Variants in MAP2K3 observed in about 807,000 individuals in gnomAD.
The protein encoded by MAP2K3 is mitogen-activated protein kinase kinase 3, also known as dual specificity mitogen-activated protein kinase kinase 3.
A neutral mutation model predicts 46.4 loss-of-function variants in MAP2K3; 30 were observed. That is an observed-to-expected ratio of 0.65 (90% CI 0.48 to 0.88). The LOEUF (loss-of-function observed/expected upper bound fraction) is 0.88. MAP2K3 is among the 40% of genes least tolerant of loss of function. The probability of loss-of-function intolerance (pLI) is 0.00; values close to 1 mark genes in which losing one functional copy is unlikely to be tolerated. For synonymous variants in MAP2K3, 189 were observed against 176.3 expected, an observed-to-expected ratio of 1.07 and a Z score of -0.57; for missense variants, 380 against 464.5, an observed-to-expected ratio of 0.82 and a Z score of 1.67.
chr17:21,296,494 G>A lies in MAP2K3; in HGVS notation c.50-1919G>A, dbSNP rs562230425. Among the ~76,000 whole-genome samples, 6 of 152,420 alleles carry A rather than the reference G, an allele frequency of 3.9e-5. No individual in the cohort carries two copies. The South Asian group carries it at 6.2e-4, about 16-fold the overall frequency. ...GCACGAGACTTGGGCCCCTCCTTCC[G>A]CCTCAGGGAGGGCTCCCTGTGGCAG... On this transcript the variant is annotated intron_variant, in intron 1 of 11. Transcript: ENST00000342679.
chr17:21,301,086 T>G lies in MAP2K3; in HGVS notation c.399+93T>G, dbSNP rs868222565. 1.1e-3 allele frequency: 1,831 copies of G among 1,595,212 alleles called. No individual in the cohort carries two copies. In the African/African-American group the frequency reaches 0.022, roughly 20 times the overall value. ...CACTCAGTCCCTCCAGTACGCCAGG[T>G]GCTGGGGACACCTGGCATACTGGCA... On this transcript the variant is annotated intron_variant, in intron 5 of 11. Coordinates refer to ENST00000342679, the MANE Select transcript of MAP2K3 (RefSeq NM_145109.3).
chr17:21,285,247 C>A, intron 1 of MAP2K3: 2 of 985,328 alleles, frequency 2.0e-6, no homozygotes, highest in Non-Finnish European at 2.4e-6. Flanking sequence ...AAGTCAGGAG[C>A]CTCATTCTGA....
intron 3 of MAP2K3, among the ~76,000 whole-genome samples, chr17:21,299,896 C>T (rs1047944370): frequency 2.6e-3 from 388 of 151,344 alleles, no homozygotes; most frequent in African/African-American, 9.0e-3. Context: ...ACAGGAGAAT[C>T]GCTTGAACCC....
chr17:21,312,186 C>G lies in MAP2K3; in HGVS notation c.819C>G (p.Thr273=), dbSNP rs151338667. Residue 273 remains threonine (T), a synonymous_variant, in exon 10 of 12, where the codon ACC becomes ACG. Coordinates refer to ENST00000342679, the MANE Select transcript of MAP2K3 (RefSeq NM_145109.3). ...ILRFPYESWG[T]PFQQLKQVVE... ...GGTTCCCTTACGAGTCCTGGGGGAC[C>G]CCGTTCCAGCAGCTGAAGCAGGTGG... 2 of 1,594,412 alleles carry G rather than the reference C, an allele frequency of 1.3e-6. No homozygotes were observed. The highest frequency in any genetic ancestry group is 2.7e-5 in the African/African-American group (2 of 73,324).
At chr17:21,294,448 G>A (rs894508601) in intron 1 of MAP2K3, among the ~76,000 whole-genome samples, 19 of 152,298 alleles carry the variant, frequency 1.2e-4, no homozygotes, top group Non-Finnish European at 1.5e-5. Flanking sequence ...TTGCCCCTGT[G>A]GGTGACCCTT....
At chr17:21,309,977 T>C (rs1977086830) in intron 9 of MAP2K3, among the ~76,000 whole-genome samples, 1 of 151,926 alleles carries the variant, frequency 6.6e-6, no homozygotes, top group Non-Finnish European at 1.5e-5. Flanking sequence ...TTTGTCTCTC[T>C]CTCTCTGTTT....
In MAP2K3 at chr17:21,314,213, C is replaced by T. The variant is rs1476794666; in HGVS notation, c.1027C>T (p.Leu343=). 5.0e-6 allele frequency: 8 copies of T among 1,613,930 alleles called. No homozygotes were observed. Among genetic ancestry groups the T allele is most frequent in the Non-Finnish European group, 6.8e-6 (8 of 1,179,960 alleles). ...TDIAAFVKEI[L]GEDS ...CATTGCTGCCTTCGTGAAGGAGATC[C>T]TGGGAGAAGACTCATAGGGGCTGGG... The change falls in exon 12 of 12, where the codon CTG becomes TTG. Residue 343 remains leucine, a synonymous_variant. Coordinates refer to ENST00000342679, the MANE Select transcript of MAP2K3 (RefSeq NM_145109.3).
chr17:21,312,595 A>G (rs1196312557), intron 10 of MAP2K3, among the ~76,000 whole-genome samples: 1 of 152,236 alleles, frequency 6.6e-6, no homozygotes, highest in African/African-American at 2.4e-5. Flanking sequence ...ACCAAATTAA[A>G]GAATGCCCCA....
At chr17:21,286,709 A>G (rs1365646272) in intron 1 of MAP2K3, among the ~76,000 whole-genome samples, 1 of 152,238 alleles carries the variant, frequency 6.6e-6, no homozygotes, top group East Asian at 1.9e-4. Flanking sequence ...CCTCATCAAA[A>G]TAAAAGTTCC....
At chr17:21,306,839 G>A (rs911885163) in intron 9 of MAP2K3, among the ~76,000 whole-genome samples, 1 of 152,306 alleles carries the variant, frequency 6.6e-6, no homozygotes, top group African/African-American at 2.4e-5. Flanking sequence ...AGGCTGGAGT[G>A]CAGTGGTATC....
At chr17:21,292,505 C>T (rs955766051) in intron 1 of MAP2K3, among the ~76,000 whole-genome samples, 1 of 152,310 alleles carries the variant, frequency 6.6e-6, no homozygotes, top group African/African-American at 2.4e-5. Flanking sequence ...TACAGGCACG[C>T]ACCACCACGC....
chr17:21,308,757 G>C (rs199654431), intron 9 of MAP2K3, among the ~76,000 whole-genome samples: 3 of 152,162 alleles, frequency 2.0e-5, no homozygotes, highest in African/African-American at 7.2e-5. Context: ...TAGAGACCCT[G>C]CTCATGACTA....
At chr17:21,304,003 T>C (rs1459259598) in intron 7 of MAP2K3, among the ~76,000 whole-genome samples, 1 of 152,264 alleles carries the variant, frequency 6.6e-6, no homozygotes, top group Non-Finnish European at 1.5e-5. Flanking sequence ...CATGCTGGTC[T>C]GTGGGGACTC....
intron 5 of MAP2K3, 57 bp downstream of exon 5, chr17:21,301,050 C>T: frequency 6.2e-7 from 1 of 1,612,620 alleles, no homozygotes; most frequent in Non-Finnish European, 8.5e-7. Flanking sequence ...CAGTCGCCTG[C>T]AACCCACTGT....
Position 21,304,304 on chromosome 17 carries a change from G to C in MAP2K3, c.569-122G>C, listed in dbSNP as rs1976767528. 1.9e-5 allele frequency: 30 copies of C among 1,555,258 alleles called. No homozygotes were observed. The South Asian group carries it at 3.2e-4, about 16-fold the overall frequency. On this transcript the variant is annotated intron_variant, in intron 7 of 11. Coordinates refer to ENST00000342679, the MANE Select transcript of MAP2K3 (RefSeq NM_145109.3). ...GGACCCTGGTGCAACCTGCCCACTG[G>C]GGCATGGGAGGGGGCACAGGAGGGG...
rs1011217464 is a variant in MAP2K3 at position 21,285,117 on chromosome 17, C to G, written c.49+148C>G. The G allele has an allele frequency of 4.7e-5, 62 of 1,319,784 alleles. No homozygotes were observed. The East Asian group carries it at 1.5e-3, about 31-fold the overall frequency. The allele number at this position is 1,319,784 out of a possible 1,614,324, so 81.8% of individuals were successfully genotyped here. ...CGGAACCCCTTCCTGTTCGGGGTCCCGGGACCAGCCCCCGCCTGGGCCCTC... is the reference window on the plus strand; with the variant it reads ...CGGAACCCCTTCCTGTTCGGGGTCCGGGGACCAGCCCCCGCCTGGGCCCTC... On this transcript the variant is annotated intron_variant, in intron 1 of 11. Coordinates refer to ENST00000342679, the MANE Select transcript of MAP2K3 (RefSeq NM_145109.3).
intron 6 of MAP2K3, among the ~76,000 whole-genome samples, 200 bp downstream of exon 6, chr17:21,302,459 G>T (rs184577180): frequency 6.6e-6 from 1 of 152,300 alleles, no homozygotes; most frequent in Non-Finnish European, 1.5e-5. Context: ...GGAGACCTCC[G>T]CTCCTGGGGC....
Position 21,312,224 on chromosome 17 carries a change from C to T in MAP2K3, c.857C>T (p.Ser286Phe). ...CTGAAGCAGGTGGTGGAGGAGCCGT[C>T]CCCCCAGCTCCCAGCCGACCGTTTC... ...QQLKQVVEEPSPQLPADRFSP... is the reference protein window; with the variant it reads ...QQLKQVVEEPFPQLPADRFSP... The change falls in exon 10 of 12, where the codon TCC (serine) becomes TTC (phenylalanine). Residue 286 changes from serine to phenylalanine, a missense_variant. Around this residue, in one of 5 missense-constraint regions of MAP2K3, gnomAD observed 63 missense variants for 81.6 expected, o/e 0.77. Transcript: ENST00000342679. The T allele has an allele frequency of 2.5e-6, 4 of 1,602,080 alleles. No individual in the cohort carries two copies. Among genetic ancestry groups the T allele is most frequent in the Non-Finnish European group, 3.4e-6 (4 of 1,175,764 alleles).
chr17:21,298,580 C>G, intron 2 of MAP2K3, 101 bp downstream of exon 2: 1 of 1,584,350 alleles, frequency 6.3e-7, no homozygotes, highest in South Asian at 1.1e-5. Flanking sequence ...CCTGCTTTAC[C>G]TCGTCCTGTC....
Sources: gnomAD v4.1 joint callset for allele counts (sites outside exome capture counted in the v4.1 genomes callset) on GRCh38, gnomAD v4.1.1 for gene constraint, gnomAD v4.1.1 regional missense constraint, MANE v1.5 for transcripts, NCBI Gene and HGNC (gene_info 2026-07-23, HGNC 2026-07-21) for gene names.